Variants in UQCC1 observed in about 807,000 individuals in gnomAD.
UQCC1 encodes ubiquinol-cytochrome c reductase complex assembly factor 1.
A neutral mutation model predicts 48.0 loss-of-function variants in UQCC1; 38 were observed. The observed-to-expected ratio is 0.79, with a 90% confidence interval of 0.61 to 1.04. The LOEUF is 1.04. UQCC1 is among the 50% of genes least tolerant of loss of function. UQCC1 has a pLI of 0.00. For missense variants in UQCC1, 368 were observed against 381.8 expected, an observed-to-expected ratio of 0.96 and a Z score of 0.30; for synonymous variants, 111 against 129.2, an observed-to-expected ratio of 0.86 and a Z score of 0.95.
At chr20:35,340,122 C>T (rs1320273824) in intron 7 of UQCC1, among the ~76,000 whole-genome samples, 3 of 152,094 alleles carry the variant, frequency 2.0e-5, no homozygotes, top group East Asian at 1.9e-4. Context: ...GCTGCAGTAA[C>T]GCAGAGTCCG....
chr20:35,358,402 C>A (rs2146418570), intron 6 of UQCC1, among the ~76,000 whole-genome samples: 2 of 134,398 alleles, frequency 1.5e-5, no homozygotes, highest in Admixed American at 7.8e-5. Flanking sequence ...GTGTGCCAAT[C>A]TGTATCCAGG....
intron 5 of UQCC1, among the ~76,000 whole-genome samples, chr20:35,369,852 G>A (rs2061709967): frequency 6.6e-6 from 1 of 152,160 alleles, no homozygotes; most frequent in African/African-American, 2.4e-5. Flanking sequence ...TTGTATCAGT[G>A]ATAAACCTCA....
intron 6 of UQCC1, among the ~76,000 whole-genome samples, chr20:35,351,824 G>A (rs1249925893): frequency 1.3e-5 from 2 of 152,180 alleles, no homozygotes; most frequent in Non-Finnish European, 2.9e-5. Flanking sequence ...GGGCTCAAAT[G>A]GTTATCCAGT....
intron 2 of UQCC1, among the ~76,000 whole-genome samples, chr20:35,388,028 T>TG (rs2061966487): frequency 1.3e-5 from 2 of 151,850 alleles, no homozygotes; most frequent in Non-Finnish European, 2.9e-5. Context: ...GTGCCCAGGC[T>TG]GGAATGCGGT....
rs57478774 is a variant in UQCC1 at position 35,410,755 on chromosome 20, TAAA to T, written c.24+1182_24+1184del. On this transcript the variant is annotated intron_variant, in intron 1 of 9. Transcript: ENST00000374385. ...CCCTAAAGGGTGGCAGGGGAAGGAT[TAAA>T]AAAAAAAAAAAAAAAAAAACCACTA... 5.4e-3 allele frequency among the ~76,000 whole-genome samples: 217 copies of T among 40,504 alleles called. 2 individuals carry two copies. Among genetic ancestry groups the T allele is most frequent in the African/African-American group, 0.019 (203 of 10,806 alleles). The allele number at this position is 40,504 out of a possible 152,430, so 26.6% of individuals were successfully genotyped here. A position where few individuals can be genotyped will look rare whatever the true frequency, so the allele number is the denominator to read the frequency against.
intron 7 of UQCC1, among the ~76,000 whole-genome samples, chr20:35,333,483 C>G (rs2061280073): frequency 1.3e-5 from 2 of 152,216 alleles, no homozygotes; most frequent in South Asian, 4.1e-4. Flanking sequence ...AGCGGGACTG[C>G]TATACCATTC....
intron 9 of UQCC1, among the ~76,000 whole-genome samples, chr20:35,305,082 G>A (rs566353012): frequency 4.6e-5 from 7 of 152,244 alleles, no homozygotes; most frequent in Admixed American, 1.3e-4. Context: ...TTCCTTTCCC[G>A]GCCTTCAGCA....
rs1049267117 is a variant in UQCC1, at chr20:35,303,519, G to A, written c.*416C>T. 2.9e-5 allele frequency: 5 copies of A among 174,650 alleles called. No individual in the cohort carries two copies. The highest frequency in any genetic ancestry group is 5.0e-5 in the Non-Finnish European group (4 of 80,324). 10.8% of individuals were successfully genotyped at this position (174,650 alleles called of 1,614,324 possible). Reference sequence around the variant, plus strand: ...CCATGGCTGAAAGCCGAGGGACAACGCGTGGTCACCGACCGGACTCGGCAG... The same window carrying A: ...CCATGGCTGAAAGCCGAGGGACAACACGTGGTCACCGACCGGACTCGGCAG... On this transcript the variant is annotated 3_prime_UTR_variant, in exon 10 of 10. Coordinates refer to ENST00000374385, the MANE Select transcript of UQCC1 (RefSeq NM_018244.5).
intron 8 of UQCC1, among the ~76,000 whole-genome samples, chr20:35,307,854 G>A (rs1037554324): frequency 2.6e-5 from 4 of 152,172 alleles, no homozygotes; most frequent in East Asian, 1.9e-4. Flanking sequence ...AGTCAAAACC[G>A]TGGGGTCTGG....
chr20:35,402,259 A>T (rs1030880505), intron 1 of UQCC1, among the ~76,000 whole-genome samples: 2 of 152,078 alleles, frequency 1.3e-5, no homozygotes, highest in Non-Finnish European at 2.9e-5. Context: ...CCTGGCCAAC[A>T]CAGTGAAACC....
At chr20:35,332,221 A>G (rs777506196) in intron 7 of UQCC1, among the ~76,000 whole-genome samples, 2 of 152,212 alleles carry the variant, frequency 1.3e-5, no homozygotes, top group Non-Finnish European at 2.9e-5. Flanking sequence ...TCCTGGGCCC[A>G]GAATTGTATG....
At chr20:35,347,409 A>T (rs978127266) in intron 6 of UQCC1, 137 bp from the exon 7 acceptor site, 19 of 905,548 alleles carry the variant, frequency 2.1e-5, no homozygotes, top group Middle Eastern at 2.9e-4. Context: ...TTTTTTTTTT[A>T]AACTTTTACT....
chr20:35,386,389 C>T (rs1440277946), intron 2 of UQCC1: 2 of 439,030 alleles, frequency 4.6e-6, no homozygotes, highest in African/African-American at 4.1e-5. Flanking sequence ...TTTCTTTAAC[C>T]CTAACGAAGA....
At chr20:35,339,506 A>T (rs2146367270) in intron 7 of UQCC1, among the ~76,000 whole-genome samples, 1 of 152,330 alleles carries the variant, frequency 6.6e-6, no homozygotes, top group East Asian at 1.9e-4. Context: ...GGCATAAAAG[A>T]ACACAGCACA....
At chr20:35,393,174 C>T (rs2062032342) in intron 2 of UQCC1, among the ~76,000 whole-genome samples, 1 of 152,070 alleles carries the variant, frequency 6.6e-6, no homozygotes, top group Admixed American at 6.6e-5. Flanking sequence ...AAGAGGCAAA[C>T]TGTTCATACT....
chr20:35,371,377 G>A (rs1313601426), intron 5 of UQCC1, among the ~76,000 whole-genome samples: 9 of 148,160 alleles, frequency 6.1e-5, no homozygotes, highest in South Asian at 4.2e-4. Flanking sequence ...TTGCTCTGTC[G>A]CCCAGGCTGG....
chr20:35,332,455 T>C (rs1427625435), intron 7 of UQCC1, among the ~76,000 whole-genome samples: 1 of 152,228 alleles, frequency 6.6e-6, no homozygotes, highest in Non-Finnish European at 1.5e-5. Flanking sequence ...GCATGGTGGC[T>C]GCAGTGCACA....
intron 7 of UQCC1, among the ~76,000 whole-genome samples, chr20:35,338,472 C>A (rs1314566001): frequency 1.3e-5 from 2 of 152,064 alleles, no homozygotes; most frequent in Non-Finnish European, 2.9e-5. Flanking sequence ...ATGACCTTGG[C>A]CAAATCAATG....
intron 8 of UQCC1, among the ~76,000 whole-genome samples, chr20:35,310,075 TTC>T (rs1324011860): frequency 6.6e-6 from 1 of 152,244 alleles, no homozygotes; most frequent in Non-Finnish European, 1.5e-5. Context: ...CCCCCTGTTG[TTC>T]TCTCTCACTG....
Sources: gnomAD v4.1 joint callset for allele counts (sites outside exome capture counted in the v4.1 genomes callset) on GRCh38, gnomAD v4.1.1 for gene constraint, MANE v1.5 for transcripts, NCBI Gene and HGNC (gene_info 2026-07-23, HGNC 2026-07-21) for gene names.